Variants in PCDH9 observed in about 807,000 individuals in gnomAD.
PCDH9 encodes the protein protocadherin-9.
Under a neutral mutation model 70.6 loss-of-function variants are expected in PCDH9, and 24 were observed. The ratio of observed to expected loss-of-function variants is 0.34; its 90% CI spans 0.25 to 0.48. PCDH9 has a LOEUF of 0.48. Among genes scored for constraint, PCDH9 ranks in the 20% least tolerant of loss-of-function variants. The probability of loss-of-function intolerance (pLI) is 0.99; values close to 1 mark genes in which losing one functional copy is unlikely to be tolerated. For synonymous variants in PCDH9, 562 were observed against 558.5 expected, an observed-to-expected ratio of 1.01 and a Z score of -0.09; for missense variants, 1,281 against 1,503.6, an observed-to-expected ratio of 0.85 and a Z score of 2.45.
At chr13:66,772,645 T>G (rs2079826494) in intron 3 of PCDH9, among the ~76,000 whole-genome samples, 1 of 152,052 alleles carries the variant, frequency 6.6e-6, no homozygotes. Flanking sequence ...GAAATAATAT[T>G]TCTAAATGTC....
At chr13:66,518,468 A>G (rs928308766) in intron 4 of PCDH9, among the ~76,000 whole-genome samples, 8 of 152,162 alleles carry the variant, frequency 5.3e-5, no homozygotes, top group Non-Finnish European at 7.4e-5. Flanking sequence ...AAATTTAGAA[A>G]TAATAGCTGA....
At chr13:66,801,622 A>G (rs1202522532) in intron 3 of PCDH9, among the ~76,000 whole-genome samples, 1 of 152,098 alleles carries the variant, frequency 6.6e-6, no homozygotes, top group East Asian at 1.9e-4. Flanking sequence ...TGCTTTCAAA[A>G]TCAAGCAGAA....
rs118061054 is a variant in PCDH9, at chr13:66,920,455, T to A, written c.3037-16850A>T. ...TGCATGTCCCTAAACAAGTCTTGAA[T>A]GATGGATTTCACTGTCTGACTGAGG... On this transcript the variant is annotated intron_variant, in intron 2 of 4. Transcript: ENST00000377865. 5.0e-3 allele frequency among the ~76,000 whole-genome samples: 757 copies of A among 151,244 alleles called. 7 individuals carry two copies. The highest frequency in any genetic ancestry group is 5.7e-3 in the Non-Finnish European group (387 of 67,342).
At chr13:66,566,741 C>T (rs893600968) in intron 4 of PCDH9, among the ~76,000 whole-genome samples, 2 of 66,494 alleles carry the variant, frequency 3.0e-5, no homozygotes, top group South Asian at 5.0e-4. Flanking sequence ...ACCAAGGGCC[C>T]GTCTTGATGG....
intron 2 of PCDH9, among the ~76,000 whole-genome samples, chr13:67,075,308 A>G (rs1450435885): frequency 6.6e-6 from 1 of 152,108 alleles, no homozygotes. Context: ...GGAAAGTTAT[A>G]TTGGTCAGTT....
At chr13:66,990,269 T>C (rs529336242) in intron 2 of PCDH9, among the ~76,000 whole-genome samples, 2 of 151,804 alleles carry the variant, frequency 1.3e-5, no homozygotes, top group Non-Finnish European at 3.0e-5. Flanking sequence ...TAAACAATTA[T>C]AAGCAACAAA....
At chr13:66,874,263 T>C (rs2081755739) in intron 3 of PCDH9, among the ~76,000 whole-genome samples, 1 of 152,196 alleles carries the variant, frequency 6.6e-6, no homozygotes. Context: ...GCCCTGCAAA[T>C]CTTAACATCA....
intron 2 of PCDH9, chr13:67,224,918 C>A (rs552218988): frequency 1.0e-6 from 1 of 994,798 alleles, no homozygotes; most frequent in Admixed American, 5.6e-5. Context: ...ATTCTACTAT[C>A]CTGTTTAGAG....
chr13:67,176,969 G>A (rs1426227425), intron 2 of PCDH9, among the ~76,000 whole-genome samples: 1 of 151,986 alleles, frequency 6.6e-6, no homozygotes, highest in African/African-American at 2.4e-5. Flanking sequence ...CTAAATGTGT[G>A]ATCTCTCTTA....
intron 4 of PCDH9, among the ~76,000 whole-genome samples, chr13:66,472,291 C>T (rs1367815236): frequency 6.6e-6 from 1 of 151,400 alleles, no homozygotes; most frequent in Non-Finnish European, 1.5e-5. Context: ...AAACCCAGGT[C>T]AGGTGTGGTT....
intron 4 of PCDH9, among the ~76,000 whole-genome samples, chr13:66,443,540 A>G (rs770764050): frequency 6.6e-6 from 1 of 152,166 alleles, no homozygotes; most frequent in Non-Finnish European, 1.5e-5. Context: ...ACAACATTCT[A>G]ATAAAACTAA....
chr13:66,777,812 G>T (rs1220466598), intron 3 of PCDH9, among the ~76,000 whole-genome samples: 2 of 152,066 alleles, frequency 1.3e-5, no homozygotes, highest in African/African-American at 2.4e-5. Context: ...AAATCATGCT[G>T]CTATAAAGAC....
intron 3 of PCDH9, among the ~76,000 whole-genome samples, chr13:66,844,201 TA>T (rs1396357416): frequency 1.3e-5 from 2 of 152,014 alleles, no homozygotes; most frequent in African/African-American, 4.8e-5. Flanking sequence ...TTCAACACCA[TA>T]AAAAAGATTA....
chr13:66,676,414 T>C (rs2078243703), intron 3 of PCDH9, among the ~76,000 whole-genome samples: 2 of 152,082 alleles, frequency 1.3e-5, no homozygotes, highest in Admixed American at 1.3e-4. Flanking sequence ...TTTAAGTCAG[T>C]ATCAAATAAT....
intron 2 of PCDH9, among the ~76,000 whole-genome samples, chr13:67,051,382 A>ATTTTTTTTTTTTTTTTTTTT (rs567408801): frequency 2.8e-5 from 2 of 70,996 alleles, no homozygotes; most frequent in Non-Finnish European, 4.9e-5. Context: ...ACAATACAAG[A>ATTTTTTTTTTTTTTTTTTTT]TTTTTTTTTT....
intron 3 of PCDH9, chr13:66,858,973 T>C (rs1230633166): frequency 6.6e-6 from 1 of 152,180 alleles, no homozygotes; most frequent in African/African-American, 2.4e-5. Flanking sequence ...CATAGTTTTA[T>C]TTAATATTTT....
At chr13:66,913,281 A>C (rs1323922) in intron 2 of PCDH9, among the ~76,000 whole-genome samples, 1 of 152,028 alleles carries the variant, frequency 6.6e-6, no homozygotes, top group African/African-American at 2.4e-5. Context: ...AAAGGAGTGC[A>C]TAAGTTCTTT....
At chr13:66,491,335 C>G (rs1959028379) in intron 4 of PCDH9, among the ~76,000 whole-genome samples, 1 of 148,788 alleles carries the variant, frequency 6.7e-6, no homozygotes, top group African/African-American at 2.5e-5. Context: ...TAGAACGGAA[C>G]AGATTTTGGC....
In PCDH9 at chr13:66,405,283, T is replaced by A. The variant is rs571332814; in HGVS notation, c.3341-100255A>T. 1.1e-3 allele frequency among the ~76,000 whole-genome samples: 161 copies of A among 152,342 alleles called. 1 individual carries two copies. Among genetic ancestry groups the A allele is most frequent in the Non-Finnish European group, 2.0e-3 (135 of 68,032 alleles). ...AAAAGATTTAACCTAGCACCAGTTT[T>A]CAAGATGTTGTTTGCAATAAGAAAC... On this transcript the variant is annotated intron_variant, in intron 4 of 4. Coordinates refer to ENST00000377865, the MANE Select transcript of PCDH9 (RefSeq NM_203487.3).
Sources: gnomAD v4.1 joint callset for allele counts (sites outside exome capture counted in the v4.1 genomes callset) on GRCh38, gnomAD v4.1.1 for gene constraint, MANE v1.5 for transcripts, NCBI Gene and HGNC (gene_info 2026-07-23, HGNC 2026-07-21) for gene names.